The following POLR3B variants were observed in gnomAD, a reference collection of about 807,000 sequenced individuals.
The protein encoded by POLR3B is DNA-directed RNA polymerase III subunit RPC2.
A neutral mutation model predicts 147.4 loss-of-function variants in POLR3B; 96 were observed. The ratio of observed to expected loss-of-function variants is 0.65; its 90% CI spans 0.55 to 0.77. The LOEUF (loss-of-function observed/expected upper bound fraction) is 0.77. Among genes scored for constraint, POLR3B ranks in the 30% least tolerant of loss-of-function variants. POLR3B has a pLI of 0.00. For missense variants in POLR3B, 1,036 were observed against 1,413.5 expected (o/e 0.73, Z 4.28); for synonymous variants, 461 against 485.9 (o/e 0.95, Z 0.67).
chr12:106,496,784 G>A lies in POLR3B; in HGVS notation c.2850G>A (p.Lys950=). Residue 950 remains lysine (K), a synonymous_variant, in exon 25 of 28, where the codon AAG becomes AAA. Transcript: ENST00000228347. The part of the protein sequence containing the change: ...VGKLIELLAG[K]AGVLDGRFHY... ...AGCTCATTGAGCTGCTGGCTGGCAA[G>A]GCCGGTGTGCTGGACGGCAGATTCC... 6.2e-7 allele frequency: 1 copy of A among 1,614,174 alleles called. No individual in the cohort carries two copies. Among genetic ancestry groups the A allele is most frequent in the Non-Finnish European group, 8.5e-7 (1 of 1,180,038 alleles).
chr12:106,417,927 G>C (rs1315524971), intron 12 of POLR3B, among the ~76,000 whole-genome samples: 2 of 152,096 alleles, frequency 1.3e-5, no homozygotes, highest in African/African-American at 4.8e-5. Flanking sequence ...TTAAAAAGAG[G>C]GTTCCCATGT....
chr12:106,412,662 AT>A (rs1370171648), intron 12 of POLR3B, among the ~76,000 whole-genome samples: 2 of 152,284 alleles, frequency 1.3e-5, no homozygotes, highest in East Asian at 3.9e-4. Context: ...CATTATGCAT[AT>A]TTGCAAATTT....
chr12:106,387,517 A>G (rs2036857605), intron 9 of POLR3B, among the ~76,000 whole-genome samples: 1 of 152,172 alleles, frequency 6.6e-6, no homozygotes, highest in African/African-American at 2.4e-5. Context: ...AAACGTATCC[A>G]CTACATTCTA....
intron 7 of POLR3B, among the ~76,000 whole-genome samples, chr12:106,377,990 G>A (rs1424845435): frequency 6.6e-6 from 1 of 152,126 alleles, no homozygotes; most frequent in Non-Finnish European, 1.5e-5. Flanking sequence ...CGGGAGACTG[G>A]GGCGGGCGAA....
In POLR3B at chr12:106,402,599, A is replaced by T. The variant is rs545634583; in HGVS notation, c.847-3258A>T. On this transcript the variant is annotated intron_variant, in intron 10 of 27. Transcript: ENST00000228347. ...GTAACCAAAACAGCATGGTACTGGTACCAAAACAGAAATATCGACCAATGG... is the reference window on the plus strand; with the variant it reads ...GTAACCAAAACAGCATGGTACTGGTTCCAAAACAGAAATATCGACCAATGG... Among the ~76,000 whole-genome samples, 30 of 152,368 alleles carry T rather than the reference A, an allele frequency of 2.0e-4. 1 individual carries two copies. The East Asian group carries it at 5.4e-3, about 27-fold the overall frequency.
At chr12:106,494,265 T>C (rs2038444743) in intron 23 of POLR3B, among the ~76,000 whole-genome samples, 1 of 152,168 alleles carries the variant, frequency 6.6e-6, no homozygotes, top group African/African-American at 2.4e-5. Context: ...AATATAAGTA[T>C]GTCATGCTTC....
chr12:106,486,374 G>A (rs926348107), intron 23 of POLR3B, among the ~76,000 whole-genome samples: 3 of 151,504 alleles, frequency 2.0e-5, no homozygotes, highest in Non-Finnish European at 4.4e-5. Context: ...GCTTGGTGCT[G>A]GCAGAGCCCA....
chr12:106,377,005 TTTC>T (rs1421111624), intron 7 of POLR3B, among the ~76,000 whole-genome samples: 6 of 152,238 alleles, frequency 3.9e-5, no homozygotes, highest in African/African-American at 1.2e-4. Flanking sequence ...TTGTCAGTCT[TTTC>T]TTTCTATCTT....
chr12:106,436,997 C>A, intron 16 of POLR3B, 60 bp from the exon 17 acceptor site: 2 of 1,294,140 alleles, frequency 1.5e-6, no homozygotes, highest in South Asian at 1.2e-5. Flanking sequence ...GGTAAACTAA[C>A]TTGCCTGTGT....
Position 106,432,384 on chromosome 12 carries a change from AT to A in POLR3B, c.1533del (p.Ile511MetfsTer4), listed in dbSNP as rs267608684. The A allele has an allele frequency of 1.9e-6, 3 of 1,613,548 alleles. No homozygotes were observed. Among genetic ancestry groups the A allele is most frequent in the Non-Finnish European group, 2.5e-6 (3 of 1,179,602 alleles). ...CACAACTGATATGGAAGATGGACCC[AT>A]TGTTAAATTAGCCAGTAACTTGGGA... is the stretch of plus-strand genomic sequence containing the variant. ...HITTDMEDGP[I>X]VKLASNLGVE... On this transcript the variant is annotated frameshift_variant, in exon 15 of 28. Transcript: ENST00000228347. LOFTEE classifies it high-confidence loss of function.
chr12:106,358,689 G>A (rs2036424115), intron 1 of POLR3B, among the ~76,000 whole-genome samples: 1 of 152,226 alleles, frequency 6.6e-6, no homozygotes, highest in Non-Finnish European at 1.5e-5. Flanking sequence ...CAGGGAAAGA[G>A]AACAGGATAC....
intron 9 of POLR3B, 48 bp downstream of exon 9, chr12:106,380,187 T>C: frequency 1.9e-6 from 2 of 1,028,344 alleles, no homozygotes; most frequent in East Asian, 4.8e-5. Flanking sequence ...CTTTCTCTGG[T>C]TTATTTACAT....
chr12:106,417,265 T>C (rs1228495506), intron 12 of POLR3B, among the ~76,000 whole-genome samples: 1 of 152,152 alleles, frequency 6.6e-6, no homozygotes, highest in Non-Finnish European at 1.5e-5. Flanking sequence ...TCACATCTCC[T>C]AAGGCACGAA....
At chr12:106,507,914 C>T in intron 27 of POLR3B, 1 of 428,942 alleles carries the variant, frequency 2.3e-6, no homozygotes, top group Non-Finnish European at 4.7e-6. Flanking sequence ...CATTAATTCC[C>T]ACCACCCAGA....
intron 27 of POLR3B, among the ~76,000 whole-genome samples, chr12:106,505,503 G>A (rs1297402806): frequency 6.6e-6 from 1 of 152,096 alleles, no homozygotes; most frequent in African/African-American, 2.4e-5. Context: ...GCCCAGGCTT[G>A]TCTCAAACTC....
Position 106,409,346 on chromosome 12 carries a change from G to GTTTTTTTTTT in POLR3B, c.967-1472_967-1471insTTTTTTTTTT, listed in dbSNP as rs138257827. Among the ~76,000 whole-genome samples, 13 of 67,470 alleles carry GTTTTTTTTTT rather than the reference G, an allele frequency of 1.9e-4. 3 individuals are homozygous for GTTTTTTTTTT. The highest frequency in any genetic ancestry group is 8.1e-4 in the African/African-American group (10 of 12,384). 44.3% of individuals were successfully genotyped at this position (67,470 alleles called of 152,430 possible). A position where few individuals can be genotyped will look rare whatever the true frequency, so the allele number is the denominator to read the frequency against. On this transcript the variant is annotated intron_variant, in intron 11 of 27. Transcript: ENST00000228347. ...TAACTGGTGTTACGATTGTAAGAGG[G>GTTTTTTTTTT]TTTTTTTTGTTTTTTTTTTTTTTTT...
intron 22 of POLR3B, 111 bp downstream of exon 22, chr12:106,459,479 G>A (rs985294062): frequency 1.3e-6 from 1 of 744,830 alleles, no homozygotes; most frequent in Non-Finnish European, 2.5e-6. Flanking sequence ...ATAGCAATTT[G>A]GGGTAGCATT....
intron 1 of POLR3B, among the ~76,000 whole-genome samples, chr12:106,360,671 C>T (rs898790023): frequency 6.6e-6 from 1 of 152,182 alleles, no homozygotes; most frequent in Admixed American, 6.5e-5. Context: ...GGTAGCACAG[C>T]AGCATGGTAG....
chr12:106,495,246 A>C (rs2038462018), intron 23 of POLR3B, among the ~76,000 whole-genome samples: 1 of 152,242 alleles, frequency 6.6e-6, no homozygotes, highest in Non-Finnish European at 1.5e-5. Context: ...AGGTTAGAAT[A>C]ATATTAAGGG....
Sources: allele counts gnomAD v4.1 joint callset (sites outside exome capture counted in the v4.1 genomes callset), GRCh38; gene constraint gnomAD v4.1.1; transcripts MANE v1.5; gene names NCBI Gene and HGNC (gene_info 2026-07-23, HGNC 2026-07-21).